Variants in NR3C2 observed in about 807,000 individuals in gnomAD.
NR3C2 encodes nuclear receptor subfamily 3 group C member 2.
In NR3C2, 15 loss-of-function variants were observed where a neutral mutation model predicts 86.4. The ratio of observed to expected loss-of-function variants is 0.17; its 90% CI spans 0.12 to 0.27. NR3C2 has a LOEUF of 0.27. Ranked by LOEUF, NR3C2 falls within the 10% of genes least tolerant of loss-of-function variation. NR3C2 has a pLI of 1.00. For missense variants in NR3C2, 960 were observed against 1,195.6 expected (o/e 0.80, Z 2.91); for synonymous variants, 458 against 450.5 (o/e 1.02, Z -0.21).
intron 3 of NR3C2, among the ~76,000 whole-genome samples, chr4:148,200,019 T>C (rs557240406): frequency 6.6e-6 from 1 of 152,296 alleles, no homozygotes; most frequent in South Asian, 2.1e-4. Flanking sequence ...TCTAGAGAAA[T>C]GTTCATACAA....
intron 2 of NR3C2, among the ~76,000 whole-genome samples, chr4:148,370,478 T>C (rs1476203811): frequency 2.0e-5 from 3 of 152,192 alleles, no homozygotes; most frequent in African/African-American, 7.2e-5. Flanking sequence ...ATGAAACATA[T>C]AATTAGCCTT....
chr4:148,394,864 G>A (rs1747780440), intron 2 of NR3C2, among the ~76,000 whole-genome samples: 1 of 152,134 alleles, frequency 6.6e-6, no homozygotes. Flanking sequence ...ATCTGGCTAA[G>A]AAGATTTCTA....
At chr4:148,183,203 T>C (rs6857670) in intron 4 of NR3C2, among the ~76,000 whole-genome samples, 76,568 of 151,988 alleles carry the variant, frequency 0.5, 20,412 homozygotes, top group African/African-American at 0.66. Context: ...TGTCACATTT[T>C]CTTAATCCAG....
chr4:148,411,587 A>C (rs1748705992), intron 2 of NR3C2, among the ~76,000 whole-genome samples: 1 of 152,212 alleles, frequency 6.6e-6, no homozygotes, highest in South Asian at 2.1e-4. Flanking sequence ...CGGCATCACA[A>C]GGTCTATATT....
chr4:148,200,220 C>A (rs1271046011), intron 3 of NR3C2, among the ~76,000 whole-genome samples: 1 of 152,212 alleles, frequency 6.6e-6, no homozygotes, highest in Admixed American at 6.5e-5. Context: ...CAATGCCCTG[C>A]GGGCTCCAGT....
chr4:148,185,302 G>A (rs1307233235), intron 4 of NR3C2, among the ~76,000 whole-genome samples: 38 of 152,180 alleles, frequency 2.5e-4, no homozygotes, highest in Non-Finnish European at 4.4e-5. Context: ...TGCCCCCTTA[G>A]CCAGTGTGGC....
chr4:148,283,067 C>T (rs868337336), intron 2 of NR3C2, among the ~76,000 whole-genome samples: 2 of 152,166 alleles, frequency 1.3e-5, no homozygotes, highest in African/African-American at 4.8e-5. Flanking sequence ...TTAAAATAAT[C>T]TGTGTGTTAT....
At chr4:148,202,062 G>A (rs1736748891) in intron 3 of NR3C2, among the ~76,000 whole-genome samples, 1 of 152,184 alleles carries the variant, frequency 6.6e-6, no homozygotes, top group Non-Finnish European at 1.5e-5. Flanking sequence ...TGAACAGAAT[G>A]CCCAAAATTT....
chr4:148,155,606 A>AT (rs986543638), intron 4 of NR3C2, among the ~76,000 whole-genome samples: 3 of 152,164 alleles, frequency 2.0e-5, no homozygotes, highest in Non-Finnish European at 4.4e-5. Context: ...GCTCAAGGAA[A>AT]TAAGAGGATA....
intron 3 of NR3C2, among the ~76,000 whole-genome samples, chr4:148,197,532 T>C (rs1287771221): frequency 1.3e-5 from 2 of 152,262 alleles, no homozygotes; most frequent in East Asian, 1.9e-4. Flanking sequence ...ATTGTAGGCA[T>C]ACAGAATGGA....
intron 6 of NR3C2, 164 bp downstream of exon 6, chr4:148,152,305 G>T: frequency 1.5e-6 from 1 of 667,152 alleles, no homozygotes; most frequent in South Asian, 1.9e-5. Context: ...ATGTTGCAAA[G>T]AGTAATTTTT....
chr4:148,101,706 T>A (rs935565827), intron 8 of NR3C2, among the ~76,000 whole-genome samples: 5 of 152,230 alleles, frequency 3.3e-5, no homozygotes, highest in Admixed American at 6.5e-5. Context: ...CTTGTTAAGC[T>A]GATGGGATTT....
intron 4 of NR3C2, among the ~76,000 whole-genome samples, chr4:148,191,481 T>A (rs561539928): frequency 6.6e-6 from 1 of 152,362 alleles, no homozygotes; most frequent in East Asian, 1.9e-4. Context: ...CTTTCTGTGA[T>A]GAATTTCCTG....
chr4:148,360,870 T>C (rs1422670988), intron 2 of NR3C2, among the ~76,000 whole-genome samples: 1 of 152,276 alleles, frequency 6.6e-6, no homozygotes, highest in Non-Finnish European at 1.5e-5. Flanking sequence ...GAAACAGTAA[T>C]GGTGAGTTAC....
At chr4:148,101,821 C>A (rs930425265) in intron 8 of NR3C2, among the ~76,000 whole-genome samples, 3 of 152,028 alleles carry the variant, frequency 2.0e-5, no homozygotes, top group African/African-American at 7.2e-5. Context: ...AAAGAGCCAT[C>A]ATTCTCTTCT....
At chr4:148,412,720 CA>C (rs1341022363) in intron 2 of NR3C2, among the ~76,000 whole-genome samples, 1 of 152,180 alleles carries the variant, frequency 6.6e-6, no homozygotes, top group East Asian at 1.9e-4. Context: ...TCTAAAAGCA[CA>C]TAATTTTTAT....
intron 7 of NR3C2, among the ~76,000 whole-genome samples, chr4:148,119,285 T>C (rs1560931151): frequency 1.3e-5 from 2 of 152,170 alleles, no homozygotes; most frequent in South Asian, 2.1e-4. Context: ...ACTGCCTATA[T>C]AGACTTCCCC....
chr4:148,414,820 A>C (rs922832259), intron 2 of NR3C2, among the ~76,000 whole-genome samples: 1 of 152,226 alleles, frequency 6.6e-6, no homozygotes, highest in African/African-American at 2.4e-5. Flanking sequence ...CTTAGCAATA[A>C]CAGCTGAATA....
intron 3 of NR3C2, among the ~76,000 whole-genome samples, chr4:148,198,896 C>T (rs1736573488): frequency 6.6e-6 from 1 of 151,164 alleles, no homozygotes; most frequent in South Asian, 2.1e-4. Flanking sequence ...CTGGCTAACA[C>T]GGTGACACCC....
Sources: gnomAD v4.1 joint callset for allele counts (sites outside exome capture counted in the v4.1 genomes callset) on GRCh38, gnomAD v4.1.1 for gene constraint, MANE v1.5 for transcripts, NCBI Gene and HGNC (gene_info 2026-07-23, HGNC 2026-07-21) for gene names.